Variants in CAPN7 observed in about 807,000 individuals in gnomAD.
CAPN7 encodes the protein calpain-7.
Under a neutral mutation model 115.2 loss-of-function variants are expected in CAPN7, and 72 were observed. The ratio of observed to expected loss-of-function variants is 0.63; its 90% CI spans 0.52 to 0.76. The LOEUF (loss-of-function observed/expected upper bound fraction) is 0.76, where lower values mean the gene tolerates loss of function less well. CAPN7 is among the 30% of genes least tolerant of loss of function. The pLI is 0.00. For missense variants in CAPN7, 905 were observed against 971.5 expected (o/e 0.93, Z 0.91); for synonymous variants, 344 against 322.3 (o/e 1.07, Z -0.72).
chr3:15,227,985 G>C lies in CAPN7; in HGVS notation c.852+20G>C. 1 of 1,401,390 alleles carries C rather than the reference G, an allele frequency of 7.1e-7. No homozygotes were observed. The highest frequency in any genetic ancestry group is 9.4e-7 in the Non-Finnish European group (1 of 1,069,470). 86.8% of individuals were successfully genotyped at this position (1,401,390 alleles called of 1,614,324 possible). ...AAGCAGGTGAGCATTTATTTTGTAT[G>C]ATTTTATAGAAAAGTCAGCATTTTA... On this transcript the variant is annotated intron_variant, in intron 7 of 20. Transcript: ENST00000253693.
chr3:15,234,783 C>T (rs921821171), intron 11 of CAPN7, among the ~76,000 whole-genome samples: 1 of 151,892 alleles, frequency 6.6e-6, no homozygotes, highest in East Asian at 1.9e-4. Context: ...TGAAATTTAG[C>T]GTTTGTTTTC....
At chr3:15,244,091 A>G (rs1330764063) in intron 16 of CAPN7, among the ~76,000 whole-genome samples, 1 of 152,192 alleles carries the variant, frequency 6.6e-6, no homozygotes, top group Non-Finnish European at 1.5e-5. Flanking sequence ...GCAACTGTTG[A>G]CAGTTCTTGC....
chr3:15,213,049 A>G (rs1419992359), intron 2 of CAPN7, among the ~76,000 whole-genome samples: 1 of 152,212 alleles, frequency 6.6e-6, no homozygotes, highest in Non-Finnish European at 1.5e-5. Flanking sequence ...GTGCCCAGAA[A>G]TTGCATGTAT....
chr3:15,237,334 A>G (rs1016018753), intron 12 of CAPN7, among the ~76,000 whole-genome samples: 5 of 152,222 alleles, frequency 3.3e-5, no homozygotes, highest in African/African-American at 7.2e-5. Flanking sequence ...CAGGATGTCA[A>G]TTGGCAATAG....
intron 19 of CAPN7, among the ~76,000 whole-genome samples, chr3:15,247,766 A>C (rs1695754173): frequency 4.1e-5 from 6 of 146,874 alleles, no homozygotes; most frequent in Admixed American, 3.9e-4. Flanking sequence ...TCAAGAGAGG[A>C]AAGATTTCTT....
chr3:15,227,799 A>T, intron 6 of CAPN7, 40 bp from the exon 7 acceptor site: 2 of 1,304,786 alleles, frequency 1.5e-6, no homozygotes, highest in Non-Finnish European at 2.0e-6. Flanking sequence ...GTCATCTTTT[A>T]AGATTAATTT....
At chr3:15,219,296 C>CA (rs1348462620) in intron 4 of CAPN7, among the ~76,000 whole-genome samples, 9 of 152,016 alleles carry the variant, frequency 5.9e-5, no homozygotes. Context: ...TGTAGACACA[C>CA]AAAAAATGAA....
chr3:15,212,116 G>A lies in CAPN7; in HGVS notation c.115G>A (p.Ala39Thr). Residue 39 changes from alanine to threonine, a missense_variant, in exon 2 of 21, where the codon GCC becomes ACC. Around this residue, in one of 3 missense-constraint regions of CAPN7, gnomAD observed 271 missense variants for 239.6 expected, o/e 1.13. Transcript: ENST00000253693. The stretch of plus-strand genomic sequence containing the variant: ...CTTTCATTTTTAGGAAGCTGCACAA[G>A]CCTTAATTTATGCTGAGATGGCAGG... ...AVFYYKEAAQALIYAEMAGSS... is the reference protein window; with the variant it reads ...AVFYYKEAAQTLIYAEMAGSS... 6.2e-7 allele frequency: 1 copy of A among 1,604,890 alleles called. No homozygotes were observed. Among genetic ancestry groups the A allele is most frequent in the Non-Finnish European group, 8.5e-7 (1 of 1,175,416 alleles).
intron 18 of CAPN7, 80 bp downstream of exon 18, chr3:15,246,874 G>T (rs1374413501): frequency 5.3e-6 from 6 of 1,136,172 alleles, no homozygotes; most frequent in Admixed American, 4.8e-5. Flanking sequence ...TCATTTTATT[G>T]TTTATATTTA....
intron 12 of CAPN7, among the ~76,000 whole-genome samples, chr3:15,238,337 A>T (rs531803315): frequency 2.2e-4 from 33 of 151,802 alleles, no homozygotes; most frequent in South Asian, 2.1e-3. Flanking sequence ...GATGGTCTCG[A>T]TCTCCTGACC....
At chr3:15,222,633 G>C (rs1008865906) in intron 5 of CAPN7, among the ~76,000 whole-genome samples, 1 of 152,168 alleles carries the variant, frequency 6.6e-6, no homozygotes, top group Non-Finnish European at 1.5e-5. Context: ...TAGTTTTGAA[G>C]CTAAAAGACT....
intron 4 of CAPN7, among the ~76,000 whole-genome samples, chr3:15,220,338 C>G (rs1693900549): frequency 6.6e-6 from 1 of 152,216 alleles, no homozygotes; most frequent in African/African-American, 2.4e-5. Flanking sequence ...GCAGCTCAAG[C>G]ATCAGTTCAG....
Position 15,206,575 on chromosome 3 carries a change from C to G in CAPN7, c.80C>G (p.Ser27Cys), listed in dbSNP as rs199777131. ...AVQRDHEGRYSEAVFYYKEAA... is the reference protein window; with the variant it reads ...AVQRDHEGRYCEAVFYYKEAA... ...CAGCGCGACCACGAAGGCCGCTACTCCGAGGCGGTGTTTTATTACAAGGTA... is the reference window on the plus strand; with the variant it reads ...CAGCGCGACCACGAAGGCCGCTACTGCGAGGCGGTGTTTTATTACAAGGTA... Residue 27 changes from serine to cysteine, a missense_variant, in exon 1 of 21, where the codon TCC becomes TGC. Ser to Cys is a moderately radical substitution (Grantham distance 112). Transcript: ENST00000253693. The G allele has an allele frequency of 5.6e-4, 864 of 1,551,022 alleles. No homozygotes were observed. Among genetic ancestry groups the G allele is most frequent in the Non-Finnish European group, 7.1e-4 (811 of 1,147,474 alleles).
intron 15 of CAPN7, 105 bp from the exon 16 acceptor site, chr3:15,242,072 AT>A: frequency 1.4e-6 from 1 of 722,158 alleles, no homozygotes; most frequent in Non-Finnish European, 2.3e-6. Flanking sequence ...AAAATTAGAG[AT>A]TTTTTGTGGA....
chr3:15,232,289 A>G (rs1030569554), intron 9 of CAPN7: 42 of 392,982 alleles, frequency 1.1e-4, no homozygotes, highest in Non-Finnish European at 2.7e-5. Flanking sequence ...CATTTAATCA[A>G]TTGATTGAAG....
chr3:15,245,601 C>G lies in CAPN7; in HGVS notation c.1940C>G (p.Pro647Arg). Residue 647 changes from proline (P) to arginine (R), a missense_variant, in exon 17 of 21, where the codon CCT becomes CGT. Transcript: ENST00000253693. ...HYLTKIKLTT[P>R]GTHTFTLVVS... ...TTGACTAAGATAAAGCTGACCACAC[C>G]TGGCACCCATACCTTTACATTAGTG... 6.2e-7 allele frequency: 1 copy of G among 1,613,928 alleles called. No homozygotes were observed.
At chr3:15,241,695 C>T in intron 15 of CAPN7, 107 bp downstream of exon 15, 2 of 828,992 alleles carry the variant, frequency 2.4e-6, no homozygotes, top group Non-Finnish European at 3.6e-6. Context: ...ACATAGGTGC[C>T]CTGAGAATAG....
chr3:15,221,071 G>GCAA, intron 5 of CAPN7, 90 bp downstream of exon 5: 2 of 984,036 alleles, frequency 2.0e-6, no homozygotes, highest in Non-Finnish European at 3.1e-6. Context: ...ATTGTATTCA[G>GCAA]ATTTCTCCTA....
In CAPN7 at chr3:15,217,480, T is replaced by C; in HGVS notation, c.267T>C (p.Arg89=). 1 of 1,613,954 alleles carries C rather than the reference T, an allele frequency of 6.2e-7. No individual in the cohort carries two copies. The highest frequency in any genetic ancestry group is 8.5e-7 in the Non-Finnish European group (1 of 1,179,922). The change falls in exon 3 of 21, where the codon CGT becomes CGC. Residue 89 remains arginine, a synonymous_variant. Coordinates refer to ENST00000253693, the MANE Select transcript of CAPN7 (RefSeq NM_014296.3). ...CAAAACATCAGTTGGACTTAGAGCG[T>C]GCTCATTTCCTTGTTACACAAGCTT... ...LKSKHQLDLE[R]AHFLVTQAFD... is the part of the protein sequence containing the mutation.
Sources: allele counts gnomAD v4.1 joint callset (sites outside exome capture counted in the v4.1 genomes callset), GRCh38; gene constraint gnomAD v4.1.1; regional missense constraint gnomAD v4.1.1; transcripts MANE v1.5; gene names NCBI Gene and HGNC (gene_info 2026-07-23, HGNC 2026-07-21).